Variants in PRSS36 observed in about 807,000 individuals in gnomAD.
PRSS36 encodes the protein serine protease 36.
In PRSS36, 90 loss-of-function variants were observed where a neutral mutation model predicts 94.3. The observed-to-expected ratio is 0.95, with a 90% CI of 0.80 to 1.14. The LOEUF is 1.14. Among genes scored for constraint, PRSS36 ranks in the 50% most tolerant of loss-of-function variants. The pLI, the probability that PRSS36 is intolerant of heterozygous loss-of-function variation, is 0.00. For missense variants in PRSS36, 1,158 were observed against 1,135.0 expected (o/e 1.02, Z -0.29); for synonymous variants, 500 against 489.6 (o/e 1.02, Z -0.28).
chr16:31,139,633 C>T (rs1033831825), intron 14 of PRSS36, among the ~76,000 whole-genome samples: 1 of 150,562 alleles, frequency 6.6e-6, no homozygotes, highest in Non-Finnish European at 1.5e-5. Flanking sequence ...TAATCCCAAC[C>T]CTTTGGGAAG....
At chr16:31,143,519 CTCCCAGCAG>C (rs2057749653) in intron 7 of PRSS36, 48 bp from the exon 8 acceptor site, 1 of 1,606,916 alleles carries the variant, frequency 6.2e-7, no homozygotes, top group Non-Finnish European at 8.5e-7. Flanking sequence ...AACCCAATCA[CTCCCAGCAG>C]TCTCCATCCC....
chr16:31,145,278 C>G (rs1380390088), intron 6 of PRSS36, among the ~76,000 whole-genome samples: 1 of 144,000 alleles, frequency 6.9e-6, no homozygotes, highest in Non-Finnish European at 1.5e-5. Context: ...GAGGCTGAGG[C>G]AGGAGAATTG....
chr16:31,139,049 AGG>A lies in PRSS36; in HGVS notation c.*87_*88del. On this transcript the variant is annotated 3_prime_UTR_variant, in exon 15 of 15. Transcript: ENST00000268281. ...GCAATCTCGGTGGGTGGGGCCCTTG[AGG>A]TTCCAGCCGGCTGGGCCACATTCCA... 7.1e-7 allele frequency: 1 copy of A among 1,411,628 alleles called. No homozygotes were observed. The highest frequency in any genetic ancestry group is 9.5e-7 in the Non-Finnish European group (1 of 1,051,972). 87.4% of individuals were successfully genotyped at this position (1,411,628 alleles called of 1,614,324 possible). A position where few individuals can be genotyped will look rare whatever the true frequency, so the allele number is the denominator to read the frequency against.
chr16:31,140,857 A>C, intron 12 of PRSS36, 100 bp from the exon 13 acceptor site: 1 of 1,292,212 alleles, frequency 7.7e-7, no homozygotes, highest in South Asian at 1.4e-5. Flanking sequence ...CATGCCACTC[A>C]CTCCTTCATC....
chr16:31,143,000 G>T lies in PRSS36; in HGVS notation c.1101-7C>A. On this transcript the variant is annotated splice_polypyrimidine_tract_variant and splice_region_variant and intron_variant, in intron 8 of 14. Coordinates refer to ENST00000268281, the MANE Select transcript of PRSS36 (RefSeq NM_173502.5). The stretch of plus-strand genomic sequence containing the variant: ...GCTGTCGGAGCTGTTCGGGCTGCGG[G>T]ATGGGGGCCGAGGGACGTGGGCCGG... The T allele has an allele frequency of 7.2e-7, 1 of 1,382,928 alleles. No homozygotes were observed. Among genetic ancestry groups the T allele is most frequent in the Non-Finnish European group, 9.3e-7 (1 of 1,072,754 alleles). The allele number at this position is 1,382,928 out of a possible 1,614,324, so 85.7% of individuals were successfully genotyped here. A position where few individuals can be genotyped will look rare whatever the true frequency, so the allele number is the denominator to read the frequency against.
chr16:31,139,990 G>A (rs1395895114), intron 14 of PRSS36, among the ~76,000 whole-genome samples: 20 of 150,012 alleles, frequency 1.3e-4, no homozygotes, highest in Non-Finnish European at 1.6e-4. Context: ...ATCAGATCAA[G>A]ACCATCCTGG....
At position 31,142,523 on chromosome 16, in the gene PRSS36, G is replaced by A. The variant is rs1355641726; in HGVS notation, c.1479C>T (p.Leu493=). The A allele has an allele frequency of 2.6e-6, 4 of 1,517,974 alleles. No individual in the cohort carries two copies. Among genetic ancestry groups the A allele is most frequent in the Non-Finnish European group, 3.5e-6 (4 of 1,136,050 alleles). The allele number at this position is 1,517,974 out of a possible 1,614,324, so 94.0% of individuals were successfully genotyped here. Residue 493 remains leucine, a synonymous_variant, in exon 10 of 15, where the codon CTC becomes CTT. Transcript: ENST00000268281. The part of the protein sequence containing the change: ...VPLPGDPPHA[L]CPAYQEKEEV... ...CCTCCTTTTCCTGGTAGGCAGGGCA[G>A]AGCGCGTGCGGCGGGTCTCCGGGCA...
intron 10 of PRSS36, among the ~76,000 whole-genome samples, chr16:31,142,237 G>T (rs1022131832): frequency 6.6e-6 from 1 of 150,720 alleles, no homozygotes; most frequent in Non-Finnish European, 1.5e-5. Context: ...CCCCCAGCTC[G>T]TTCTGGCCCC....
intron 14 of PRSS36, 119 bp from the exon 15 acceptor site, chr16:31,139,535 G>A: frequency 1.6e-6 from 2 of 1,245,286 alleles, no homozygotes; most frequent in Non-Finnish European, 2.2e-6. Flanking sequence ...CCAGGTCCCT[G>A]GTTTCTCTCC....
rs546057570 is a variant in PRSS36 at position 31,149,481 on chromosome 16, C to T, written c.91G>A (p.Glu31Lys). 17 of 1,614,138 alleles carry T rather than the reference C, an allele frequency of 1.1e-5. No individual in the cohort carries two copies. The highest frequency in any genetic ancestry group is 1.7e-5 in the Admixed American group (1 of 60,010). ...TCCTTACCCAGATCTTCAGGTTCTT[C>T]CTGGGTAGGACTGAGAGCTGGGAGC... ...FQDSALSPTQ[E>K]EPEDLDCGRP... Residue 31 changes from glutamate (E) to lysine (K), a missense_variant, in exon 3 of 15, where the codon GAA becomes AAA. Transcript: ENST00000268281.
chr16:31,145,686 C>A, intron 6 of PRSS36, 103 bp downstream of exon 6: 1 of 1,177,058 alleles, frequency 8.5e-7, no homozygotes, highest in Non-Finnish European at 1.2e-6. Context: ...CCTTGGCAAT[C>A]TTGCCCTCCT....
At position 31,142,851 on chromosome 16, in the gene PRSS36, G is replaced by T; in HGVS notation, c.1243C>A (p.Gln415Lys). The change falls in exon 9 of 15, where the codon CAG becomes AAG. Residue 415 changes from glutamine (Q) to lysine (K), a missense_variant. Physicochemically the swap from Gln to Lys is moderately conservative, Grantham distance 53 (BLOSUM62 1). Transcript: ENST00000268281. ...CTCAGGTTCACGGGCGTGCGCAGCT[G>T]CAGCAGCGCCAGGTCCGAGGCGTTG... The part of the protein sequence containing the change: ...WDNASDLALL[Q>K]LRTPVNLSAA... The T allele has an allele frequency of 6.4e-7, 1 of 1,557,152 alleles. No homozygotes were observed. Among genetic ancestry groups the T allele is most frequent in the Non-Finnish European group, 8.7e-7 (1 of 1,155,612 alleles).
intron 10 of PRSS36, 23 bp from the exon 11 acceptor site, chr16:31,141,983 T>C (rs1320607071): frequency 1.2e-6 from 2 of 1,603,418 alleles, no homozygotes; most frequent in African/African-American, 2.7e-5. Context: ...AGTGTGTGTG[T>C]TACTTGCCTC....
rs1176988786 is a variant in PRSS36, at chr16:31,142,623, G to A, written c.1379C>T (p.Ala460Val). 6.7e-7 allele frequency: 1 copy of A among 1,493,568 alleles called. No individual in the cohort carries two copies. Among genetic ancestry groups the A allele is most frequent in the South Asian group, 1.2e-5 (1 of 80,170 alleles). The allele number at this position is 1,493,568 out of a possible 1,614,324, so 92.5% of individuals were successfully genotyped here. Reference protein sequence around the residue: ...GRGEPALGPGALLEAELLGGW... With the variant: ...GRGEPALGPGVLLEAELLGGW... ...GCCTAACAGCTCCGCCTCCAGCAGC[G>A]CGCCTGGGCCAAGCGCGGGTTCTGG... Residue 460 changes from alanine (A) to valine (V), a missense_variant, in exon 10 of 15, where the codon GCG (alanine) becomes GTG (valine). By Grantham distance (64) the Ala-to-Val change is moderately conservative. Transcript: ENST00000268281.
At chr16:31,147,252 T>A (rs1359162619) in intron 5 of PRSS36, among the ~76,000 whole-genome samples, 1 of 152,134 alleles carries the variant, frequency 6.6e-6, no homozygotes, top group Non-Finnish European at 1.5e-5. Context: ...CAGGGTGGCC[T>A]TCATCTCCCC....
chr16:31,141,096 T>A (rs930828472), intron 12 of PRSS36, among the ~76,000 whole-genome samples: 1 of 152,096 alleles, frequency 6.6e-6, no homozygotes, highest in African/African-American at 2.4e-5. Flanking sequence ...CTGGCTAATT[T>A]TTGTATTTTT....
intron 12 of PRSS36, 87 bp from the exon 13 acceptor site, chr16:31,140,844 G>C (rs1184465945): frequency 1.4e-6 from 2 of 1,431,070 alleles, no homozygotes; most frequent in Non-Finnish European, 1.9e-6. Context: ...GACTCTCTGG[G>C]GTCATGCCAC....
At chr16:31,141,168 C>G (rs1203911729) in intron 12 of PRSS36, among the ~76,000 whole-genome samples, 1 of 152,098 alleles carries the variant, frequency 6.6e-6, no homozygotes, top group Non-Finnish European at 1.5e-5. Flanking sequence ...ATGATCTGCC[C>G]GCCTCGGCCT....
chr16:31,149,203 C>A lies in PRSS36; in HGVS notation c.142G>T (p.Val48Leu). ...CCCGGCTGCGCGTTTGAGCCCCCCA[C>A]GATGCGGGCCGAGGGCTCAGGGCGC... is the stretch of plus-strand genomic sequence containing the variant. Reference protein sequence around the residue: ...CGRPEPSARIVGGSNAQPGTW... With the variant: ...CGRPEPSARILGGSNAQPGTW... Residue 48 changes from valine (V) to leucine (L), a missense_variant, in exon 4 of 15, where the codon GTG (valine) becomes TTG (leucine). By Grantham distance (32) the Val-to-Leu change is conservative. Transcript: ENST00000268281. 6.4e-7 allele frequency: 1 copy of A among 1,564,782 alleles called. No individual in the cohort carries two copies. Among genetic ancestry groups the A allele is most frequent in the Non-Finnish European group, 8.7e-7 (1 of 1,155,490 alleles).
Sources: gnomAD v4.1 joint callset for allele counts (sites outside exome capture counted in the v4.1 genomes callset) on GRCh38, gnomAD v4.1.1 for gene constraint, MANE v1.5 for transcripts, NCBI Gene and HGNC (gene_info 2026-07-23, HGNC 2026-07-21) for gene names.